Variants in RBFOX1 observed in about 807,000 individuals in gnomAD.
RBFOX1 encodes the protein RNA binding protein fox-1 homolog 1.
A neutral mutation model predicts 57.7 loss-of-function variants in RBFOX1; 8 were observed. The observed-to-expected ratio is 0.14, with a 90% CI of 0.08 to 0.25. The LOEUF (loss-of-function observed/expected upper bound fraction) is 0.25, where lower values mean the gene tolerates loss of function less well. Ranked by LOEUF, RBFOX1 falls within the 10% of genes least tolerant of loss-of-function variation. RBFOX1 has a pLI of 1.00. For synonymous variants in RBFOX1, 326 were observed against 222.4 expected (o/e 1.47, Z -4.15); for missense variants, 611 against 548.5 (o/e 1.11, Z -1.14).
At chr16:7,225,960 G>C (rs940484835) in intron 4 of RBFOX1, among the ~76,000 whole-genome samples, 3 of 149,978 alleles carry the variant, frequency 2.0e-5, no homozygotes, top group Non-Finnish European at 4.4e-5. Context: ...GTCAGGAATA[G>C]CTGAATCAAG....
At chr16:7,514,309 C>A (rs1426611779) in intron 4 of RBFOX1, among the ~76,000 whole-genome samples, 4 of 152,212 alleles carry the variant, frequency 2.6e-5, no homozygotes, top group Non-Finnish European at 5.9e-5. Context: ...GTCCTCTCTT[C>A]ATCCCCCTAC....
chr16:6,248,756 A>G (rs949841662), intron 1 of RBFOX1, among the ~76,000 whole-genome samples: 1 of 152,174 alleles, frequency 6.6e-6, no homozygotes, highest in Non-Finnish European at 1.5e-5. Context: ...TCTGCCATGT[A>G]TGAGTCAAAG....
intron 3 of RBFOX1, among the ~76,000 whole-genome samples, chr16:6,730,197 G>T (rs548737827): frequency 5.9e-5 from 9 of 152,176 alleles, no homozygotes; most frequent in African/African-American, 2.2e-4. Flanking sequence ...GAAGAGGAGG[G>T]GACATAGGAA....
At chr16:7,567,084 T>TGTATATATATCCCTATGTATGTATATCC (rs1427716551) in intron 5 of RBFOX1, among the ~76,000 whole-genome samples, 1 of 135,832 alleles carries the variant, frequency 7.4e-6, no homozygotes, top group African/African-American at 2.6e-5. Context: ...AAGCTGGATA[T>TGTATATATATCCCTATGTATGTATATCC]ATATATATCT....
At chr16:6,989,763 G>A (rs2091090434) in intron 3 of RBFOX1, among the ~76,000 whole-genome samples, 1 of 152,136 alleles carries the variant, frequency 6.6e-6, no homozygotes, top group Admixed American at 6.5e-5. Context: ...ACTTTGGGAG[G>A]CTAAGGCAGG....
chr16:7,557,891 C>T (rs2089192809), intron 5 of RBFOX1, among the ~76,000 whole-genome samples: 1 of 151,994 alleles, frequency 6.6e-6, no homozygotes, highest in South Asian at 2.1e-4. Context: ...AATGCCTCGT[C>T]ACTGAACACA....
At chr16:5,679,297 A>G (rs2050258158) in intron 3 of RBFOX1, among the ~76,000 whole-genome samples, 1 of 151,936 alleles carries the variant, frequency 6.6e-6, no homozygotes. Flanking sequence ...TCATGCTGTT[A>G]CATCCGAAGT....
intron 1 of RBFOX1, among the ~76,000 whole-genome samples, chr16:6,269,786 A>G (rs943518495): frequency 5.9e-5 from 9 of 152,208 alleles, no homozygotes; most frequent in Non-Finnish European, 1.2e-4. Flanking sequence ...ATTTTAGAAC[A>G]TCAGCAAGGA....
At chr16:5,302,778 A>C (rs1211629044) in intron 1 of RBFOX1, among the ~76,000 whole-genome samples, 1 of 152,224 alleles carries the variant, frequency 6.6e-6, no homozygotes, top group African/African-American at 2.4e-5. Flanking sequence ...CATGGTATCT[A>C]AAAAGTGTTT....
At chr16:7,189,554 AACACACACACAC>A (rs779531861) in intron 4 of RBFOX1, among the ~76,000 whole-genome samples, 8 of 135,808 alleles carry the variant, frequency 5.9e-5, no homozygotes, top group East Asian at 2.4e-4. Context: ...TGTCCCCCAA[AACACACACACAC>A]ACACACACAC....
At chr16:6,645,850 T>G (rs758640802) in intron 2 of RBFOX1, among the ~76,000 whole-genome samples, 3 of 152,068 alleles carry the variant, frequency 2.0e-5, no homozygotes, top group Non-Finnish European at 2.9e-5. Context: ...TATGCTTCTC[T>G]TACAAATAGG....
At chr16:7,057,286 A>G (rs560575448) in intron 4 of RBFOX1, among the ~76,000 whole-genome samples, 1 of 152,288 alleles carries the variant, frequency 6.6e-6, no homozygotes, top group East Asian at 1.9e-4. Flanking sequence ...AACAATAGAG[A>G]CAGATTCCAG....
chr16:5,807,240 TC>T (rs1567566459), intron 3 of RBFOX1, among the ~76,000 whole-genome samples: 2 of 152,174 alleles, frequency 1.3e-5, no homozygotes, highest in African/African-American at 4.8e-5. Flanking sequence ...TGGCCATCCC[TC>T]CTCTCCCTTC....
chr16:5,888,699 G>A (rs1408350114), intron 4 of RBFOX1, among the ~76,000 whole-genome samples: 1 of 151,570 alleles, frequency 6.6e-6, no homozygotes, highest in Non-Finnish European at 1.5e-5. Context: ...ACAAGGCTGA[G>A]GCAGGAGAAT....
chr16:6,370,174 C>T (rs542691691), intron 2 of RBFOX1, among the ~76,000 whole-genome samples: 27 of 151,670 alleles, frequency 1.8e-4, no homozygotes, highest in African/African-American at 5.1e-4. Flanking sequence ...CTGGCTAATG[C>T]GGTGAAAACC....
chr16:5,588,774 G>T (rs926509995), intron 2 of RBFOX1, among the ~76,000 whole-genome samples: 1 of 152,126 alleles, frequency 6.6e-6, no homozygotes, highest in Non-Finnish European at 1.5e-5. Flanking sequence ...AGTCAAGCCG[G>T]TCTTTTTTTG....
chr16:6,594,847 G>T (rs2097761246), intron 2 of RBFOX1, among the ~76,000 whole-genome samples: 2 of 152,146 alleles, frequency 1.3e-5, no homozygotes, highest in Admixed American at 1.3e-4. Flanking sequence ...GGAGTGCAGT[G>T]GCGTGATCTC....
chr16:6,834,228 C>G (rs548701637), intron 3 of RBFOX1, among the ~76,000 whole-genome samples: 2 of 151,948 alleles, frequency 1.3e-5, no homozygotes, highest in South Asian at 2.1e-4. Flanking sequence ...TGCCCGCTAG[C>G]ACGCCCCATT....
intron 3 of RBFOX1, among the ~76,000 whole-genome samples, chr16:7,009,214 C>A (rs1299284968): frequency 7.6e-6 from 1 of 132,142 alleles, no homozygotes; most frequent in Admixed American, 8.6e-5. Context: ...CTCTTTCTCT[C>A]TGTCCCTCTT....
Sources: gnomAD v4.1 joint callset for allele counts (sites outside exome capture counted in the v4.1 genomes callset) on GRCh38, gnomAD v4.1.1 for gene constraint, MANE v1.5 for transcripts, NCBI Gene and HGNC (gene_info 2026-07-23, HGNC 2026-07-21) for gene names.